Variants in ZNF730 observed in about 807,000 individuals in gnomAD.
The protein encoded by ZNF730 is zinc finger protein 730.
Under a neutral mutation model 12.6 loss-of-function variants are expected in ZNF730, and 12 were observed. The observed-to-expected ratio is 0.95, with a 90% CI of 0.61 to 1.54. The LOEUF (loss-of-function observed/expected upper bound fraction) is 1.54, where lower values mean the gene tolerates loss of function less well. Among genes scored for constraint, ZNF730 ranks in the 40% most tolerant of loss-of-function variants. The probability of loss-of-function intolerance (pLI) is 0.00; values close to 1 mark genes in which losing one functional copy is unlikely to be tolerated. For missense variants in ZNF730, 643 were observed against 583.5 expected, an observed-to-expected ratio of 1.10 and a Z score of -1.05; for synonymous variants, 194 against 195.8, an observed-to-expected ratio of 0.99 and a Z score of 0.08.
chr19:23,101,227 A>ATAAACACATCTCATTG (rs143203450), intron 1 of ZNF730, among the ~76,000 whole-genome samples: 11 of 152,144 alleles, frequency 7.2e-5, no homozygotes, highest in Admixed American at 2.0e-4. Context: ...ATTCTCCCAT[A>ATAAACACATCTCATTG]TTGAGGTTCT....
chr19:23,145,486 G>T lies in ZNF730; in HGVS notation c.442G>T (p.Asp148Tyr). 1 of 1,566,468 alleles carries T rather than the reference G, an allele frequency of 6.4e-7. No homozygotes were observed. Among genetic ancestry groups the T allele is most frequent in the South Asian group, 1.2e-5 (1 of 85,204 alleles). The change falls in exon 4 of 4, where the codon GAC (aspartate) becomes TAC (tyrosine). Residue 148 changes from aspartate (D) to tyrosine (Y), a missense_variant. By Grantham distance (160) the Asp-to-Tyr change is radical. Transcript: ENST00000597761. ...TTCCCATAGCAAAATATTTCAGTGT[G>T]ACAAATATGTGAAAGTCTTTCATAA... ...TTSHSKIFQC[D>Y]KYVKVFHKFS...
chr19:23,084,083 A>C (rs1970015198), intron 1 of ZNF730, among the ~76,000 whole-genome samples: 1 of 151,916 alleles, frequency 6.6e-6, no homozygotes, highest in African/African-American at 2.4e-5. Flanking sequence ...ATTCATCTTG[A>C]GTTGATTTTT....
intron 3 of ZNF730, among the ~76,000 whole-genome samples, chr19:23,140,951 CA>C (rs1257959222): frequency 1.3e-5 from 2 of 150,002 alleles, no homozygotes; most frequent in South Asian, 4.2e-4. Flanking sequence ...GATTCTGTCT[CA>C]AAAAAAAACT....
chr19:23,138,918 G>A (rs1234807658), intron 3 of ZNF730, among the ~76,000 whole-genome samples: 1 of 152,072 alleles, frequency 6.6e-6, no homozygotes, highest in Non-Finnish European at 1.5e-5. Context: ...TCTTGCTGTA[G>A]GAAAATAAGC....
rs1195147543 is a variant in ZNF730, at chr19:23,077,438, T to C, written c.-94+2051T>C. 3.0e-5 allele frequency among the ~76,000 whole-genome samples: 4 copies of C among 131,914 alleles called. No homozygotes were observed. The East Asian group carries it at 6.6e-4, about 22-fold the overall frequency. 86.5% of individuals were successfully genotyped at this position (131,914 alleles called of 152,430 possible). A position where few individuals can be genotyped will look rare whatever the true frequency, so the allele number is the denominator to read the frequency against. On this transcript the variant is annotated intron_variant, in intron 1 of 2. Transcript: ENST00000593635. ...TTCCCTAAGAGCTTTTTTTTTTTTT[T>C]TTTTTTTTTTTTTTTTTGAGATGGC...
intron 1 of ZNF730, among the ~76,000 whole-genome samples, chr19:23,133,328 T>G (rs1970769885): frequency 6.6e-6 from 1 of 150,826 alleles, no homozygotes; most frequent in African/African-American, 2.4e-5. Flanking sequence ...TCATCTTGTG[T>G]TTTTTTTGTT....
intron 1 of ZNF730, chr19:23,095,483 G>A: frequency 2.5e-6 from 1 of 398,592 alleles, no homozygotes; most frequent in South Asian, 1.3e-4. Context: ...TCTCACAGAA[G>A]AGATTGTAAC....
At chr19:23,098,660 T>C (rs1970291741) in intron 1 of ZNF730, among the ~76,000 whole-genome samples, 1 of 152,104 alleles carries the variant, frequency 6.6e-6, no homozygotes, top group Admixed American at 6.5e-5. Context: ...GTGTGCATTA[T>C]TTTTAGGAAG....
At chr19:23,101,333 C>CT (rs1311834122) in intron 1 of ZNF730, among the ~76,000 whole-genome samples, 3 of 152,170 alleles carry the variant, frequency 2.0e-5, no homozygotes, top group Non-Finnish European at 4.4e-5. Flanking sequence ...CAAGATTCAG[C>CT]ACACATAAGA....
At chr19:23,088,554 A>G (rs571962895) in intron 1 of ZNF730, among the ~76,000 whole-genome samples, 1 of 150,454 alleles carries the variant, frequency 6.6e-6, no homozygotes, top group African/African-American at 2.4e-5. Context: ...GCCTCCACCT[A>G]CTGGGCTCAA....
chr19:23,095,299 G>A (rs1007136573), intron 1 of ZNF730: 4 of 398,478 alleles, frequency 1.0e-5, no homozygotes, highest in Middle Eastern at 6.3e-4. Context: ...TCACACGTAC[G>A]TTATGTGACT....
At chr19:23,092,794 G>A (rs926638424) in intron 1 of ZNF730, among the ~76,000 whole-genome samples, 3 of 152,046 alleles carry the variant, frequency 2.0e-5, no homozygotes, top group Non-Finnish European at 4.4e-5. Context: ...CCTGATTCTG[G>A]TGGATAAGTT....
intron 1 of ZNF730, among the ~76,000 whole-genome samples, chr19:23,129,896 C>T (rs1376189388): frequency 1.3e-5 from 2 of 149,754 alleles, no homozygotes; most frequent in African/African-American, 2.5e-5. Context: ...CAGGAGGCTG[C>T]GGCAGGAGAA....
chr19:23,146,643 A>T lies in ZNF730; in HGVS notation c.*87A>T, dbSNP rs941943019. 3 of 1,556,786 alleles carry T rather than the reference A, an allele frequency of 1.9e-6. No homozygotes were observed. The highest frequency in any genetic ancestry group is 2.2e-5 in the South Asian group (2 of 89,902). ...TTCATACTGAAGAGAAACCCTACAA[A>T]TGTGAAGAATGTGGCAAAGCTTTTA... On this transcript the variant is annotated 3_prime_UTR_variant, in exon 4 of 4. Coordinates refer to ENST00000597761, the MANE Select transcript of ZNF730 (RefSeq NM_001277403.2).
At chr19:23,122,701 G>A (rs1970614878) in intron 1 of ZNF730, among the ~76,000 whole-genome samples, 1 of 152,132 alleles carries the variant, frequency 6.6e-6, no homozygotes. Flanking sequence ...AGTATAGTTA[G>A]GTGTAGTGTT....
At chr19:23,078,109 T>G (rs62121616) in intron 1 of ZNF730, among the ~76,000 whole-genome samples, 6,028 of 152,196 alleles carry the variant, frequency 0.04, 131 homozygotes, top group East Asian at 0.11. Flanking sequence ...GTCTGAGATA[T>G]GGCCTCATGG....
At chr19:23,125,810 G>A in intron 1 of ZNF730, 1 of 186,972 alleles carries the variant, frequency 5.3e-6, no homozygotes, top group Non-Finnish European at 1.1e-5. Flanking sequence ...CCCAAATACA[G>A]GATGATAGTT....
intron 1 of ZNF730, among the ~76,000 whole-genome samples, chr19:23,077,621 T>A (rs1969887982): frequency 6.6e-6 from 1 of 151,670 alleles, no homozygotes; most frequent in South Asian, 2.1e-4. Flanking sequence ...TTTGTATTTT[T>A]AGTAGAGATA....
intron 1 of ZNF730, among the ~76,000 whole-genome samples, chr19:23,110,218 G>A (rs1286967340): frequency 3.1e-5 from 4 of 130,698 alleles, no homozygotes; most frequent in East Asian, 2.4e-4. Context: ...TGATCCACCC[G>A]CCTTGGCCTC....
Sources: gnomAD v4.1 joint callset for allele counts (sites outside exome capture counted in the v4.1 genomes callset) on GRCh38, gnomAD v4.1.1 for gene constraint, MANE v1.5 for transcripts, NCBI Gene and HGNC (gene_info 2026-07-23, HGNC 2026-07-21) for gene names.